Variants in GARRE1 observed in about 807,000 individuals in gnomAD.
GARRE1 encodes granule associated Rac and RHOG effector protein 1.
A neutral mutation model predicts 103.2 loss-of-function variants in GARRE1; 49 were observed. The ratio of observed to expected loss-of-function variants is 0.47; its 90% CI spans 0.38 to 0.60. GARRE1 has a LOEUF of 0.60. Ranked by LOEUF, GARRE1 falls within the 20% of genes least tolerant of loss-of-function variation. The probability of loss-of-function intolerance (pLI) is 0.00; values close to 1 mark genes in which losing one functional copy is unlikely to be tolerated. For synonymous variants in GARRE1, 505 were observed against 532.8 expected, an observed-to-expected ratio of 0.95 and a Z score of 0.72; for missense variants, 1,199 against 1,370.5, an observed-to-expected ratio of 0.87 and a Z score of 1.98.
chr19:34,308,396 C>T (rs141795643), intron 2 of GARRE1, among the ~76,000 whole-genome samples: 50 of 152,180 alleles, frequency 3.3e-4, no homozygotes, highest in African/African-American at 1.2e-3. Flanking sequence ...CTGAAGTTCA[C>T]CTCATAAAAA....
At chr19:34,269,286 G>A (rs371576859) in intron 1 of GARRE1, among the ~76,000 whole-genome samples, 5 of 152,196 alleles carry the variant, frequency 3.3e-5, no homozygotes, top group African/African-American at 9.7e-5. Flanking sequence ...GATTGGTAGC[G>A]AGCCGGTGCT....
intron 1 of GARRE1, among the ~76,000 whole-genome samples, chr19:34,270,134 T>C (rs2073777736): frequency 6.6e-6 from 1 of 152,224 alleles, no homozygotes; most frequent in Non-Finnish European, 1.5e-5. Flanking sequence ...CCACTTCCTA[T>C]TTTTACCGCA....
intron 8 of GARRE1, among the ~76,000 whole-genome samples, chr19:34,334,696 CA>C (rs201914309): frequency 1.3e-3 from 152 of 117,494 alleles, no homozygotes; most frequent in Admixed American, 1.4e-3. Context: ...AAAACTATCT[CA>C]AAAAAAAAAA....
chr19:34,340,073 A>G, intron 9 of GARRE1, 81 bp downstream of exon 9: 1 of 1,462,184 alleles, frequency 6.8e-7, no homozygotes, highest in Non-Finnish European at 9.6e-7. Flanking sequence ...TGTGTCATTG[A>G]TAGTATACGG....
In GARRE1 at chr19:34,322,978, C is replaced by T. The variant is rs1356914770; in HGVS notation, c.705+2862C>T. On this transcript the variant is annotated intron_variant, in intron 3 of 13. Coordinates refer to ENST00000299505, the MANE Select transcript of GARRE1 (RefSeq NM_014686.5). Reference sequence around the variant, plus strand: ...AATATAGTGATTCATTAAATAATGTCTAGTTCAAATCATTCCATAATTAAC... The same window carrying T: ...AATATAGTGATTCATTAAATAATGTTTAGTTCAAATCATTCCATAATTAAC... 3.5e-5 allele frequency among the ~76,000 whole-genome samples: 5 copies of T among 144,316 alleles called. No homozygotes were observed. The South Asian group carries it at 8.7e-4, about 25-fold the overall frequency. The allele number at this position is 144,316 out of a possible 152,430, so 94.7% of individuals were successfully genotyped here.
intron 1 of GARRE1, among the ~76,000 whole-genome samples, chr19:34,282,792 C>G (rs749068821): frequency 6.6e-5 from 10 of 152,144 alleles, no homozygotes; most frequent in Non-Finnish European, 1.3e-4. Context: ...CCTGCTGATT[C>G]AAAGCTGGGC....
At chr19:34,259,795 TGTG>T (rs2073704120) in intron 1 of GARRE1, among the ~76,000 whole-genome samples, 1 of 152,180 alleles carries the variant, frequency 6.6e-6, no homozygotes, top group Non-Finnish European at 1.5e-5. Context: ...AATCCCCACA[TGTG>T]GTGGGAAGGA....
chr19:34,319,797 T>C, intron 2 of GARRE1, 110 bp from the exon 3 acceptor site: 1 of 919,628 alleles, frequency 1.1e-6, no homozygotes. Flanking sequence ...TGTATGATTT[T>C]GGATTTCCAG....
Position 34,327,855 on chromosome 19 carries a change from G to C in GARRE1, c.931G>C (p.Ala311Pro). 6.2e-7 allele frequency: 1 copy of C among 1,614,228 alleles called. No individual in the cohort carries two copies. Among genetic ancestry groups the C allele is most frequent in the Non-Finnish European group, 8.5e-7 (1 of 1,180,024 alleles). Residue 311 changes from alanine to proline, a missense_variant, in exon 5 of 14, where the codon GCA (alanine) becomes CCA (proline). Transcript: ENST00000299505. ...GFHLNPKAIE[A>P]SLQGCCSEAE... ...CCACCTGAATCCAAAGGCGATTGAAGCAAGTTTGCAGGTACACTTTTCCTT... is the reference window on the plus strand; with the variant it reads ...CCACCTGAATCCAAAGGCGATTGAACCAAGTTTGCAGGTACACTTTTCCTT...
At chr19:34,302,181 G>A (rs545267244) in intron 2 of GARRE1, among the ~76,000 whole-genome samples, 66 of 148,050 alleles carry the variant, frequency 4.5e-4, no homozygotes, top group African/African-American at 1.5e-3. Context: ...GTAGAGACGG[G>A]GTTTCACCAT....
intron 1 of GARRE1, among the ~76,000 whole-genome samples, chr19:34,280,932 G>GT (rs35804155): frequency 0.018 from 2,525 of 139,420 alleles, 25 homozygotes; most frequent in South Asian, 0.031. Flanking sequence ...ATTCCAGTAG[G>GT]TTTTTTTTTT....
chr19:34,271,633 A>G (rs2073788717), intron 1 of GARRE1, among the ~76,000 whole-genome samples: 1 of 152,068 alleles, frequency 6.6e-6, no homozygotes, highest in Admixed American at 6.6e-5. Context: ...GCCGAGGCAG[A>G]AGGATTGCTT....
chr19:34,300,908 A>T lies in GARRE1; in HGVS notation c.435A>T (p.Glu145Asp). The T allele has an allele frequency of 1.2e-6, 2 of 1,608,544 alleles. No homozygotes were observed. The highest frequency in any genetic ancestry group is 1.7e-6 in the Non-Finnish European group (2 of 1,179,996). Residue 145 changes from glutamate to aspartate, a missense_variant, in exon 2 of 14, where the codon GAA becomes GAT. Glu to Asp is a conservative substitution (Grantham distance 45). Transcript: ENST00000299505. Reference sequence around the variant, plus strand: ...CTGAGATCGCCAAGATGCTAATGGAACTTAGTGCTGGGGCTGCAAATTTTA... The same window carrying T: ...CTGAGATCGCCAAGATGCTAATGGATCTTAGTGCTGGGGCTGCAAATTTTA... ...IKPEIAKMLMELSAGAANFTD... is the reference protein window; with the variant it reads ...IKPEIAKMLMDLSAGAANFTD...
chr19:34,334,931 A>G (rs774898968), intron 8 of GARRE1, among the ~76,000 whole-genome samples: 3 of 151,732 alleles, frequency 2.0e-5, no homozygotes, highest in African/African-American at 4.8e-5. Context: ...GCATGCACCT[A>G]TAATCCCAGC....
chr19:34,337,405 G>A (rs2074166055), intron 8 of GARRE1, among the ~76,000 whole-genome samples: 1 of 152,304 alleles, frequency 6.6e-6, no homozygotes, highest in East Asian at 1.9e-4. Flanking sequence ...AGAGATTCGG[G>A]GGAGACTTTT....
chr19:34,328,527 T>A (rs2074122925), intron 6 of GARRE1, among the ~76,000 whole-genome samples: 1 of 143,184 alleles, frequency 7.0e-6, no homozygotes, highest in Non-Finnish European at 1.5e-5. Flanking sequence ...AACTCTGTCT[T>A]AAAAAAAAAA....
At chr19:34,346,534 G>A (rs1215004387) in intron 10 of GARRE1, among the ~76,000 whole-genome samples, 3 of 152,038 alleles carry the variant, frequency 2.0e-5, no homozygotes, top group Non-Finnish European at 2.9e-5. Flanking sequence ...CTTTGTTAAC[G>A]TTCAGGTTAT....
In GARRE1 at chr19:34,352,951, A is replaced by G. The variant is rs1207696259; in HGVS notation, c.3209A>G (p.Tyr1070Cys). ...GERRPAYLPQ[Y>C] The stretch of plus-strand genomic sequence containing the variant: ...CGCAGGCCAGCCTATCTGCCCCAGT[A>G]CTGACCCCAGGCCAGCCAGCCTGCC... Residue 1070 changes from tyrosine to cysteine, a missense_variant, in exon 14 of 14, where the codon TAC becomes TGC. Coordinates refer to ENST00000299505, the MANE Select transcript of GARRE1 (RefSeq NM_014686.5). 2 of 1,514,888 alleles carry G rather than the reference A, an allele frequency of 1.3e-6. No homozygotes were observed. Among genetic ancestry groups the G allele is most frequent in the East Asian group, 2.5e-5 (1 of 39,918 alleles). The allele number at this position is 1,514,888 out of a possible 1,614,324, so 93.8% of individuals were successfully genotyped here. A position where few individuals can be genotyped will look rare whatever the true frequency, so the allele number is the denominator to read the frequency against.
At chr19:34,285,159 A>G (rs867514455) in intron 1 of GARRE1, 2 of 152,190 alleles carry the variant, frequency 1.3e-5, no homozygotes, top group Admixed American at 1.3e-4. Flanking sequence ...GAAATGTTCA[A>G]TCATATACAA....
Sources: allele counts gnomAD v4.1 joint callset (sites outside exome capture counted in the v4.1 genomes callset), GRCh38; gene constraint gnomAD v4.1.1; transcripts MANE v1.5; gene names NCBI Gene and HGNC (gene_info 2026-07-23, HGNC 2026-07-21).